Variants in SCHIP1 observed in about 807,000 individuals in gnomAD.
The protein encoded by SCHIP1 is schwannomin-interacting protein 1.
Under a neutral mutation model 29.7 loss-of-function variants are expected in SCHIP1, and 8 were observed. The observed-to-expected ratio is 0.27, with a 90% confidence interval of 0.16 to 0.49. The LOEUF (loss-of-function observed/expected upper bound fraction) is 0.49. SCHIP1 is among the 20% of genes least tolerant of loss of function. The pLI, the probability that SCHIP1 is intolerant of heterozygous loss-of-function variation, is 0.99. For synonymous variants in SCHIP1, 76 were observed against 94.9 expected (o/e 0.80, Z 1.16); for missense variants, 193 against 294.6 (o/e 0.66, Z 2.52).
chr3:159,749,671 G>A, the SCHIP1 span, among the ~76,000 whole-genome samples: 1 of 152,182 alleles, frequency 6.6e-6, no homozygotes, highest in Admixed American at 6.5e-5. Context: ...TAGAGCAGAA[G>A]GTCACAAGTC....
At chr3:159,398,557 C>T in the SCHIP1 span, among the ~76,000 whole-genome samples, 35 of 152,090 alleles carry the variant, frequency 2.3e-4, no homozygotes, top group Non-Finnish European at 4.0e-4. Context: ...GACTGGATTC[C>T]GGGGGAACAA....
chr3:159,286,330 TTGTC>T, the SCHIP1 span, among the ~76,000 whole-genome samples: 4 of 152,302 alleles, frequency 2.6e-5, no homozygotes, highest in East Asian at 7.7e-4. Flanking sequence ...TGGTATATGG[TTGTC>T]TGTTCCTGTG....
chr3:159,827,779 T>G, the SCHIP1 span, among the ~76,000 whole-genome samples: 1 of 148,936 alleles, frequency 6.7e-6, no homozygotes, highest in African/African-American at 2.5e-5. Context: ...CAGTCCGCAG[T>G]CCGGCTTGGG....
the SCHIP1 span, among the ~76,000 whole-genome samples, chr3:159,808,988 T>TC: frequency 1.2e-4 from 18 of 145,896 alleles, no homozygotes; most frequent in South Asian, 1.1e-3. Flanking sequence ...TTTCTTTCTT[T>TC]TTTTTTTTTT....
At chr3:159,709,833 T>C in the SCHIP1 span, among the ~76,000 whole-genome samples, 1 of 152,328 alleles carries the variant, frequency 6.6e-6, no homozygotes, top group East Asian at 1.9e-4. Flanking sequence ...TATTAAAATA[T>C]TCATTCTCCA....
the SCHIP1 span, among the ~76,000 whole-genome samples, chr3:159,503,001 A>G: frequency 3.3e-5 from 5 of 152,228 alleles, no homozygotes; most frequent in Admixed American, 6.5e-5. Flanking sequence ...CGCCAATCAG[A>G]TAAGTGATGC....
chr3:159,551,930 TTG>T, the SCHIP1 span, among the ~76,000 whole-genome samples: 1 of 152,182 alleles, frequency 6.6e-6, no homozygotes, highest in African/African-American at 2.4e-5. Flanking sequence ...ACTAAATGTT[TTG>T]TGATACTTAC....
chr3:159,582,834 G>A, the SCHIP1 span, among the ~76,000 whole-genome samples: 62 of 141,688 alleles, frequency 4.4e-4, no homozygotes, highest in African/African-American at 1.2e-3. Context: ...AAAAATATCC[G>A]TTATTCTTAA....
the SCHIP1 span, among the ~76,000 whole-genome samples, chr3:159,529,129 A>T: frequency 3.3e-5 from 5 of 152,204 alleles, no homozygotes; most frequent in Non-Finnish European, 5.9e-5. Context: ...TTAGAGTGTG[A>T]TGCCAGACAC....
chr3:159,558,541 G>C, the SCHIP1 span, among the ~76,000 whole-genome samples: 1 of 152,140 alleles, frequency 6.6e-6, no homozygotes, highest in Non-Finnish European at 1.5e-5. Flanking sequence ...AGAATTCGAG[G>C]ATTACGGAGG....
chr3:159,429,638 C>A, the SCHIP1 span, among the ~76,000 whole-genome samples: 529 of 152,290 alleles, frequency 3.5e-3, 2 homozygotes, highest in African/African-American at 0.012. Flanking sequence ...CACCTTTTCT[C>A]CCCACCATGA....
the SCHIP1 span, among the ~76,000 whole-genome samples, chr3:159,552,812 C>A: frequency 6.6e-6 from 1 of 152,170 alleles, no homozygotes; most frequent in African/African-American, 2.4e-5. Flanking sequence ...CCTTATGTAA[C>A]CTTACCATTG....
At chr3:159,689,700 C>A in the SCHIP1 span, among the ~76,000 whole-genome samples, 2 of 152,110 alleles carry the variant, frequency 1.3e-5, no homozygotes, top group African/African-American at 4.8e-5. Context: ...ATGCTTCCAG[C>A]TTTTGCCCAT....
the SCHIP1 span, among the ~76,000 whole-genome samples, chr3:159,314,419 C>T: frequency 8.4e-4 from 128 of 152,268 alleles, 1 homozygote; most frequent in Middle Eastern, 0.01. Flanking sequence ...TTCATCATCC[C>T]GTTTCTTCTG....
At chr3:159,581,572 TC>T in the SCHIP1 span, among the ~76,000 whole-genome samples, 5,373 of 151,774 alleles carry the variant, frequency 0.035, 233 homozygotes, top group East Asian at 0.18. Flanking sequence ...GTAAATAGCC[TC>T]CCCCATGATA....
chr3:159,727,413 G>A, the SCHIP1 span, among the ~76,000 whole-genome samples: 381 of 152,240 alleles, frequency 2.5e-3, 1 homozygote, highest in Non-Finnish European at 4.6e-3. Flanking sequence ...CTGTATCCCT[G>A]GAGTTCTGAA....
At chr3:159,407,994 AC>A in the SCHIP1 span, among the ~76,000 whole-genome samples, 1 of 152,190 alleles carries the variant, frequency 6.6e-6, no homozygotes. Context: ...AGCAAAGCAA[AC>A]CCAAAATTAG....
chr3:159,323,536 T>A, the SCHIP1 span, among the ~76,000 whole-genome samples: 4 of 152,246 alleles, frequency 2.6e-5, no homozygotes, highest in African/African-American at 9.6e-5. Context: ...TGTCTATGCA[T>A]GGGCAGTAAT....
the SCHIP1 span, among the ~76,000 whole-genome samples, chr3:159,802,337 G>A: frequency 2.6e-5 from 4 of 152,266 alleles, no homozygotes; most frequent in Admixed American, 2.0e-4. Context: ...CTGATCTCCT[G>A]GAGTGCATTG....
Sources: gnomAD v4.1 joint callset for allele counts (sites outside exome capture counted in the v4.1 genomes callset) on GRCh38, gnomAD v4.1.1 for gene constraint, MANE v1.5 for transcripts, NCBI Gene and HGNC (gene_info 2026-07-23, HGNC 2026-07-21) for gene names.